ZBTB7C: variants seen among roughly 807,000 people sequenced by gnomAD.
ZBTB7C encodes zinc finger and BTB domain containing 7C.
Under a neutral mutation model 25.7 loss-of-function variants are expected in ZBTB7C, and 8 were observed. The observed-to-expected ratio is 0.31, with a 90% confidence interval of 0.18 to 0.56. The LOEUF is 0.56. ZBTB7C is among the 20% of genes least tolerant of loss of function. The pLI, the probability that ZBTB7C is intolerant of heterozygous loss-of-function variation, is 0.91. For synonymous variants in ZBTB7C, 394 were observed against 369.0 expected (o/e 1.07, Z -0.78); for missense variants, 824 against 855.2 (o/e 0.96, Z 0.46).
At chr18:48,090,840 C>T (rs753634430) in intron 3 of ZBTB7C, among the ~76,000 whole-genome samples, 6 of 152,214 alleles carry the variant, frequency 3.9e-5, no homozygotes, top group Non-Finnish European at 7.3e-5. Flanking sequence ...TGTCAGATGA[C>T]TCCAGCCCAC....
At position 48,352,385 on chromosome 18, in the gene ZBTB7C, C is replaced by T. The variant is rs537730010; in HGVS notation, c.-303-13987G>A. ...CCACTGGGCCAGGCCCTGGGGGCAT[C>T]CGCAGTATTCCAACAGGGCTTCTTG... is the stretch of plus-strand genomic sequence containing the variant. On this transcript the variant is annotated intron_variant, in intron 1 of 4. Coordinates refer to ENST00000590800, the MANE Select transcript of ZBTB7C (RefSeq NM_001318841.2). 1.2e-3 allele frequency among the ~76,000 whole-genome samples: 180 copies of T among 152,338 alleles called. 14 individuals carry two copies. The highest frequency in any genetic ancestry group is 6.8e-3 in the Middle Eastern group (2 of 294).
chr18:48,242,527 A>G (rs2043557074), intron 2 of ZBTB7C, among the ~76,000 whole-genome samples: 1 of 152,248 alleles, frequency 6.6e-6, no homozygotes, highest in African/African-American at 2.4e-5. Flanking sequence ...CATACCTGGG[A>G]TGCAGGGATG....
At chr18:48,170,126 A>G (rs1028923451) in intron 3 of ZBTB7C, among the ~76,000 whole-genome samples, 2 of 152,242 alleles carry the variant, frequency 1.3e-5, no homozygotes, top group African/African-American at 4.8e-5. Flanking sequence ...GGGTGCCCTC[A>G]TGGCCTGTGC....
At chr18:48,120,716 G>A (rs192823445) in intron 3 of ZBTB7C, among the ~76,000 whole-genome samples, 56 of 152,364 alleles carry the variant, frequency 3.7e-4, no homozygotes, top group African/African-American at 1.1e-3. Context: ...TGGGGGAGGA[G>A]GGAAAGTGGG....
chr18:48,045,988 T>G (rs1039284654), intron 3 of ZBTB7C, among the ~76,000 whole-genome samples: 1 of 152,200 alleles, frequency 6.6e-6, no homozygotes, highest in East Asian at 1.9e-4. Context: ...TGAGCCACCT[T>G]GAGAGTGGAT....
chr18:48,277,839 T>G (rs2044711661), intron 2 of ZBTB7C, among the ~76,000 whole-genome samples: 1 of 139,236 alleles, frequency 7.2e-6, no homozygotes, highest in African/African-American at 2.8e-5. Context: ...CACATGAGCT[T>G]TTTTTTTTTT....
intron 2 of ZBTB7C, among the ~76,000 whole-genome samples, chr18:48,301,153 GCCACAGGCACT>G (rs2045533878): frequency 6.6e-6 from 1 of 152,170 alleles, no homozygotes; most frequent in Admixed American, 6.5e-5. Context: ...AAGAAAGGTG[GCCACAGGCACT>G]CCAGAAGGGC....
intron 2 of ZBTB7C, among the ~76,000 whole-genome samples, chr18:48,319,999 C>T (rs17751341): frequency 0.085 from 12,989 of 152,078 alleles, 743 homozygotes; most frequent in Non-Finnish European, 0.13. Flanking sequence ...TGGGAGCTCA[C>T]ATTCCAGTGC....
At chr18:48,044,868 C>T (rs2036406131) in intron 3 of ZBTB7C, among the ~76,000 whole-genome samples, 1 of 152,242 alleles carries the variant, frequency 6.6e-6, no homozygotes, top group Non-Finnish European at 1.5e-5. Context: ...ACGCATTTAG[C>T]TCCTATTGTT....
rs142060428 is a variant in ZBTB7C, at chr18:48,226,245, C to A, written c.-78-40250G>T. On this transcript the variant is annotated intron_variant, in intron 2 of 4. Coordinates refer to ENST00000590800, the MANE Select transcript of ZBTB7C (RefSeq NM_001318841.2). ...GGGGCTATTTATTACATAGCAATAG[C>A]TAACTGATACAGGTAGATCCCTTCA... is the stretch of plus-strand genomic sequence containing the variant. 3.2e-3 allele frequency among the ~76,000 whole-genome samples: 482 copies of A among 152,350 alleles called. 1 individual carries two copies. The highest frequency in any genetic ancestry group is 5.2e-3 in the Non-Finnish European group (353 of 68,032).
At chr18:48,311,091 C>T (rs2045807476) in intron 2 of ZBTB7C, among the ~76,000 whole-genome samples, 2 of 152,302 alleles carry the variant, frequency 1.3e-5, no homozygotes, top group South Asian at 4.1e-4. Context: ...TACCTCTGAT[C>T]CAGATTCCCC....
chr18:48,355,700 T>G (rs1191957576), intron 1 of ZBTB7C, among the ~76,000 whole-genome samples: 2 of 152,238 alleles, frequency 1.3e-5, no homozygotes, highest in African/African-American at 4.8e-5. Context: ...ATCCATGTGC[T>G]GCCTCATCCA....
intron 3 of ZBTB7C, among the ~76,000 whole-genome samples, chr18:48,120,527 T>C (rs767703654): frequency 2.6e-5 from 4 of 152,072 alleles, no homozygotes; most frequent in Non-Finnish European, 4.4e-5. Context: ...GAAGAATCAC[T>C]TGAACCTTGG....
chr18:48,165,174 G>C (rs1433205793), intron 3 of ZBTB7C: 1 of 1,274,140 alleles, frequency 7.8e-7, no homozygotes, highest in East Asian at 5.6e-5. Context: ...GTCCAGGAAG[G>C]GGAGGGTTCT....
chr18:48,345,398 T>C (rs2046704024), intron 1 of ZBTB7C, among the ~76,000 whole-genome samples: 1 of 152,178 alleles, frequency 6.6e-6, no homozygotes, highest in Non-Finnish European at 1.5e-5. Flanking sequence ...TTCAAACTGG[T>C]TTCTGACATG....
At chr18:48,096,251 T>A (rs2038628508) in intron 3 of ZBTB7C, among the ~76,000 whole-genome samples, 1 of 152,160 alleles carries the variant, frequency 6.6e-6, no homozygotes. Context: ...AGAGTGTGAA[T>A]GCAAGCAAGA....
intron 2 of ZBTB7C, among the ~76,000 whole-genome samples, chr18:48,278,150 C>T (rs2044723101): frequency 6.6e-6 from 1 of 152,212 alleles, no homozygotes; most frequent in African/African-American, 2.4e-5. Context: ...ACCTTCTGGG[C>T]TTGACGTGAT....
intron 4 of ZBTB7C, among the ~76,000 whole-genome samples, chr18:48,038,547 CTTTTTTT>C (rs200367018): frequency 7.6e-6 from 1 of 132,238 alleles, no homozygotes; most frequent in Non-Finnish European, 1.6e-5. Context: ...GAGGACTCAT[CTTTTTTT>C]TTTTTTTTTT....
At chr18:48,035,299 A>C (rs933273667) in intron 4 of ZBTB7C, among the ~76,000 whole-genome samples, 4 of 152,206 alleles carry the variant, frequency 2.6e-5, no homozygotes, top group African/African-American at 7.2e-5. Context: ...GGTGTGCTCT[A>C]TGGGACCTCT....
Sources: gnomAD v4.1 joint callset for allele counts (sites outside exome capture counted in the v4.1 genomes callset) on GRCh38, gnomAD v4.1.1 for gene constraint, MANE v1.5 for transcripts, NCBI Gene and HGNC (gene_info 2026-07-23, HGNC 2026-07-21) for gene names.